The following CPEB3 variants were observed in gnomAD, a reference collection of about 807,000 sequenced individuals.
CPEB3 encodes the protein cytoplasmic polyadenylation element binding protein 3.
Under a neutral mutation model 67.2 loss-of-function variants are expected in CPEB3, and 20 were observed. That is an observed-to-expected ratio of 0.30 (90% confidence interval 0.21 to 0.43). The LOEUF (loss-of-function observed/expected upper bound fraction) is 0.43. CPEB3 is among the 20% of genes least tolerant of loss of function. The probability of loss-of-function intolerance (pLI) is 1.00; values close to 1 mark genes in which losing one functional copy is unlikely to be tolerated. For synonymous variants in CPEB3, 376 were observed against 393.1 expected (o/e 0.96, Z 0.51); for missense variants, 746 against 968.6 (o/e 0.77, Z 3.05).
At chr10:92,137,952 A>G (rs1216582617) in intron 6 of CPEB3, 1 of 156,904 alleles carries the variant, frequency 6.4e-6, no homozygotes, top group Non-Finnish European at 1.4e-5. Flanking sequence ...GTGAGCCGAG[A>G]TCGCACAACT....
chr10:92,170,242 T>C (rs1040572541), intron 4 of CPEB3, among the ~76,000 whole-genome samples: 8 of 152,234 alleles, frequency 5.3e-5, no homozygotes, highest in Non-Finnish European at 8.8e-5. Context: ...ACATACTTAG[T>C]ATTAATTTAC....
chr10:92,263,816 C>T (rs147365203), intron 1 of CPEB3, among the ~76,000 whole-genome samples: 1 of 152,102 alleles, frequency 6.6e-6, no homozygotes, highest in African/African-American at 2.4e-5. Context: ...TGAGCCACTG[C>T]ACCTAGCCAG....
chr10:92,151,130 T>A (rs1846947579), intron 4 of CPEB3, among the ~76,000 whole-genome samples: 3 of 152,190 alleles, frequency 2.0e-5, no homozygotes, highest in African/African-American at 7.2e-5. Flanking sequence ...GGAAGGCTTG[T>A]CCAAGATAAT....
intron 2 of CPEB3, among the ~76,000 whole-genome samples, chr10:92,201,634 C>T (rs1049142542): frequency 6.6e-6 from 1 of 152,144 alleles, no homozygotes; most frequent in Non-Finnish European, 1.5e-5. Flanking sequence ...GTTGATGTCA[C>T]CCCAAATCAT....
intron 4 of CPEB3, among the ~76,000 whole-genome samples, chr10:92,166,025 T>C (rs1209179886): frequency 6.6e-6 from 1 of 152,204 alleles, no homozygotes; most frequent in Non-Finnish European, 1.5e-5. Context: ...TAAAGAATCC[T>C]TTCTAGAAGG....
intron 2 of CPEB3, among the ~76,000 whole-genome samples, chr10:92,223,567 C>CTTTTTTT (rs903904452): frequency 3.6e-5 from 3 of 84,146 alleles, no homozygotes; most frequent in Non-Finnish European, 5.0e-5. Flanking sequence ...CTAATTATTT[C>CTTTTTTT]TTTTTTTTTT....
At chr10:92,201,721 A>G (rs1445472456) in intron 2 of CPEB3, among the ~76,000 whole-genome samples, 2 of 152,140 alleles carry the variant, frequency 1.3e-5, no homozygotes, top group African/African-American at 4.8e-5. Context: ...ATAAAGGGGG[A>G]GCTTAACCTT....
At chr10:92,054,073 G>A (rs1282974093) in intron 9 of CPEB3, among the ~76,000 whole-genome samples, 1 of 152,064 alleles carries the variant, frequency 6.6e-6, no homozygotes, top group Non-Finnish European at 1.5e-5. Context: ...TTGTCCATTT[G>A]TATATCTTCT....
At chr10:92,119,011 A>C (rs1317230977) in intron 6 of CPEB3, 7 of 1,544,866 alleles carry the variant, frequency 4.5e-6, no homozygotes, top group Non-Finnish European at 6.3e-6. Flanking sequence ...CTAAGTTTGC[A>C]CTCGTCTTCC....
rs1367072970 is a variant in CPEB3 at position 92,161,614 on chromosome 10, T to C, written c.1223-16529A>G. ...ATCATTCATTGTGGAATTTATTATG[T>C]ACTACCTTGGTCCTGTTATAGTGAT... On this transcript the variant is annotated intron_variant, in intron 4 of 9. Coordinates refer to ENST00000265997, the MANE Select transcript of CPEB3 (RefSeq NM_014912.5). 2.0e-5 allele frequency among the ~76,000 whole-genome samples: 3 copies of C among 152,116 alleles called. No individual in the cohort carries two copies. In the East Asian group the frequency reaches 5.8e-4, roughly 30 times the overall value.
At chr10:92,273,738 G>GT (rs1308860498) in intron 1 of CPEB3, among the ~76,000 whole-genome samples, 1 of 152,150 alleles carries the variant, frequency 6.6e-6, no homozygotes, top group Non-Finnish European at 1.5e-5. Flanking sequence ...GAGGGTGAGG[G>GT]TAAGGAAAGG....
At chr10:92,201,975 A>T (rs1049252891) in intron 2 of CPEB3, among the ~76,000 whole-genome samples, 1 of 152,168 alleles carries the variant, frequency 6.6e-6, no homozygotes, top group African/African-American at 2.4e-5. Context: ...GGCATACAAC[A>T]GACATTCAGT....
chr10:92,124,088 A>G (rs1277468088), intron 6 of CPEB3, among the ~76,000 whole-genome samples: 1 of 151,962 alleles, frequency 6.6e-6, no homozygotes, highest in East Asian at 1.9e-4. Context: ...CCTAAAGTCT[A>G]TTTTTTCCTC....
At chr10:92,058,796 T>C (rs1220516341) in intron 9 of CPEB3, among the ~76,000 whole-genome samples, 1 of 151,584 alleles carries the variant, frequency 6.6e-6, no homozygotes, top group Non-Finnish European at 1.5e-5. Flanking sequence ...AAGATGCAGA[T>C]TTAATCTACA....
At chr10:92,133,313 G>A (rs1181125961) in intron 6 of CPEB3, among the ~76,000 whole-genome samples, 42 of 151,790 alleles carry the variant, frequency 2.8e-4, no homozygotes, top group Non-Finnish European at 4.3e-4. Flanking sequence ...TCAAATAGAC[G>A]CAATAAAAAA....
chr10:92,200,772 G>A (rs189436667), intron 2 of CPEB3, among the ~76,000 whole-genome samples: 98 of 152,050 alleles, frequency 6.4e-4, no homozygotes, highest in Non-Finnish European at 3.1e-4. Flanking sequence ...AGATAAACAT[G>A]ACTCAACTTG....
At chr10:92,130,221 T>C (rs1038580315) in intron 6 of CPEB3, among the ~76,000 whole-genome samples, 3 of 151,784 alleles carry the variant, frequency 2.0e-5, no homozygotes, top group Non-Finnish European at 2.9e-5. Context: ...TCAAACAAGC[T>C]CTCTCCATAC....
chr10:92,255,687 A>T (rs1852485277), intron 1 of CPEB3, among the ~76,000 whole-genome samples: 1 of 152,220 alleles, frequency 6.6e-6, no homozygotes, highest in African/African-American at 2.4e-5. Flanking sequence ...TGACCTATGG[A>T]ACTGTTAGTT....
At chr10:92,211,635 C>A (rs1431477813) in intron 2 of CPEB3, among the ~76,000 whole-genome samples, 2 of 150,768 alleles carry the variant, frequency 1.3e-5, no homozygotes, top group African/African-American at 4.9e-5. Context: ...CTCTCAGGTT[C>A]AAGCAATTCT....
Sources: gnomAD v4.1 joint callset for allele counts (sites outside exome capture counted in the v4.1 genomes callset) on GRCh38, gnomAD v4.1.1 for gene constraint, MANE v1.5 for transcripts, NCBI Gene and HGNC (gene_info 2026-07-23, HGNC 2026-07-21) for gene names.